The following OSMR variants were observed in gnomAD, a reference collection of about 807,000 sequenced individuals.
OSMR encodes the protein oncostatin M receptor.
A neutral mutation model predicts 99.9 loss-of-function variants in OSMR; 81 were observed. That is an observed-to-expected ratio of 0.81 (90% CI 0.68 to 0.97). The LOEUF is 0.97. Ranked by LOEUF, OSMR falls within the 50% of genes least tolerant of loss-of-function variation. The pLI is 0.00. For missense variants in OSMR, 1,099 were observed against 1,153.4 expected, an observed-to-expected ratio of 0.95 and a Z score of 0.68; for synonymous variants, 406 against 410.4, an observed-to-expected ratio of 0.99 and a Z score of 0.13.
intron 1 of OSMR, among the ~76,000 whole-genome samples, chr5:38,860,095 C>G (rs1741161663): frequency 6.6e-6 from 1 of 152,156 alleles, no homozygotes; most frequent in African/African-American, 2.4e-5. Context: ...GCTAAGACTT[C>G]CAGTACTATG....
rs58159819 is a variant in OSMR, at chr5:38,898,950, C to CTTTTTTTTTTTTTTTTTTTTTTTTTTT, written c.992-4908_992-4907insTTTTTTTTTTTTTTTTTTTTTTTTTTT. ...TTTGTTGTTTCTATTTACATAATAT[C>CTTTTTTTTTTTTTTTTTTTTTTTTTTT]TTTTTTTTTTTTTTTTTTTTTTTTG... On this transcript the variant is annotated intron_variant, in intron 7 of 17. Coordinates refer to ENST00000274276, the MANE Select transcript of OSMR (RefSeq NM_003999.3). Among the ~76,000 whole-genome samples the CTTTTTTTTTTTTTTTTTTTTTTTTTTT allele has an allele frequency of 5.1e-5, 4 of 78,288 alleles. 2 individuals carry two copies. The highest frequency in any genetic ancestry group is 2.5e-4 in the African/African-American group (4 of 15,980). The allele number at this position is 78,288 out of a possible 152,430, so 51.4% of individuals were successfully genotyped here.
intron 1 of OSMR, among the ~76,000 whole-genome samples, chr5:38,862,739 G>A (rs1376854504): frequency 3.0e-4 from 45 of 150,880 alleles, no homozygotes; most frequent in African/African-American, 9.6e-4. Flanking sequence ...GGGAAGAGGC[G>A]CTCCTCACTT....
intron 9 of OSMR, among the ~76,000 whole-genome samples, chr5:38,914,328 A>G (rs1342633666): frequency 6.6e-6 from 1 of 152,174 alleles, no homozygotes; most frequent in Non-Finnish European, 1.5e-5. Context: ...TCTAATGAGG[A>G]CACAAGTCAA....
chr5:38,893,486 C>G (rs574372928), intron 7 of OSMR, among the ~76,000 whole-genome samples: 136 of 152,256 alleles, frequency 8.9e-4, no homozygotes, highest in African/African-American at 3.1e-3. Context: ...GAAAAGAAAT[C>G]AATTAGAACT....
rs1470921042 is a variant in OSMR at position 38,883,895 on chromosome 5, A to G, written c.487A>G (p.Asn163Asp). The G allele has an allele frequency of 1.2e-5, 20 of 1,613,612 alleles. No homozygotes were observed. Among genetic ancestry groups the G allele is most frequent in the Non-Finnish European group, 1.7e-5 (20 of 1,179,690 alleles). ...PKDKLVEEGT[N>D]VTICYVSRNI... is the part of the protein sequence containing the mutation. ...AGATAAGCTGGTGGAAGAAGGCACC[A>G]ATGTTACCATTTGTTACGTTTCTAG... Residue 163 changes from asparagine to aspartate, a missense_variant, in exon 5 of 18, where the codon AAT becomes GAT. Asn to Asp is a conservative substitution (Grantham distance 23). Coordinates refer to ENST00000274276, the MANE Select transcript of OSMR (RefSeq NM_003999.3).
chr5:38,927,046 T>C (rs1215224080), intron 15 of OSMR, among the ~76,000 whole-genome samples: 1 of 152,208 alleles, frequency 6.6e-6, no homozygotes, highest in Non-Finnish European at 1.5e-5. Context: ...TCCAAAATGA[T>C]CTCCTTTGAC....
intron 3 of OSMR, among the ~76,000 whole-genome samples, chr5:38,880,576 G>T (rs1743200558): frequency 6.6e-6 from 1 of 152,212 alleles, no homozygotes; most frequent in South Asian, 2.1e-4. Context: ...GAGCAAGAAA[G>T]CCTTCATGAA....
At chr5:38,909,987 C>G (rs1745472694) in intron 9 of OSMR, among the ~76,000 whole-genome samples, 1 of 152,220 alleles carries the variant, frequency 6.6e-6, no homozygotes, top group Non-Finnish European at 1.5e-5. Flanking sequence ...AGACCTATAT[C>G]ACACGCAGTG....
rs370428919 is a variant in OSMR, at chr5:38,903,836, G to A, written c.992-46G>A. On this transcript the variant is annotated intron_variant, in intron 7 of 17. Transcript: ENST00000274276. Reference sequence around the variant, plus strand: ...AACTGCCTATTACCAATGTCTTTTTGGATCTATGCTTGAATTTTTTTGTTT... The same window carrying A: ...AACTGCCTATTACCAATGTCTTTTTAGATCTATGCTTGAATTTTTTTGTTT... The A allele has an allele frequency of 5.1e-6, 8 of 1,582,594 alleles. No homozygotes were observed. The East Asian group carries it at 9.0e-5, about 18-fold the overall frequency.
At chr5:38,888,856 A>T (rs768778665) in intron 7 of OSMR, among the ~76,000 whole-genome samples, 2 of 152,216 alleles carry the variant, frequency 1.3e-5, no homozygotes, top group Non-Finnish European at 2.9e-5. Flanking sequence ...GAAAATGTTT[A>T]TGGGAACAAC....
intron 1 of OSMR, among the ~76,000 whole-genome samples, chr5:38,867,369 T>C (rs1579657587): frequency 6.6e-6 from 1 of 152,248 alleles, no homozygotes; most frequent in Non-Finnish European, 1.5e-5. Flanking sequence ...ATATTATTTT[T>C]TAAAATAGAG....
At chr5:38,944,083 GCATT>G (rs1747905860) in intron 1 of OSMR, 1 of 366,596 alleles carries the variant, frequency 2.7e-6, no homozygotes, top group Non-Finnish European at 5.3e-6. Context: ...TTCCTAACAT[GCATT>G]AATTTATTTT....
At chr5:38,931,844 G>A (rs761258609) in intron 15 of OSMR, 39 bp from the exon 16 acceptor site, 1 of 1,591,908 alleles carries the variant, frequency 6.3e-7, no homozygotes, top group Non-Finnish European at 8.6e-7. Context: ...GAAGGGAAAA[G>A]TACTTATTAA....
chr5:38,856,761 C>T (rs919550606), intron 1 of OSMR, among the ~76,000 whole-genome samples: 2 of 152,154 alleles, frequency 1.3e-5, no homozygotes, highest in African/African-American at 4.8e-5. Flanking sequence ...CCTGACTCAG[C>T]CTCCCTTGAA....
chr5:38,855,334 C>T (rs1483566788), intron 1 of OSMR, among the ~76,000 whole-genome samples: 1 of 152,166 alleles, frequency 6.6e-6, no homozygotes, highest in East Asian at 1.9e-4. Flanking sequence ...AATGTATATG[C>T]CTAGCCAGGA....
At position 38,867,086 on chromosome 5, in the gene OSMR, T is replaced by TC. The variant is rs201109541; in HGVS notation, c.-13-1943dup. Among the ~76,000 whole-genome samples, 1,176 of 152,294 alleles carry TC rather than the reference T, an allele frequency of 7.7e-3. 42 individuals carry two copies. The highest frequency in any genetic ancestry group is 0.051 in the Admixed American group (783 of 15,292). On this transcript the variant is annotated intron_variant, in intron 1 of 17. Coordinates refer to ENST00000274276, the MANE Select transcript of OSMR (RefSeq NM_003999.3). Reference sequence around the variant, plus strand: ...CTTTTAAGAGGAGGTGAGTGCCCCGTCCCTCTAGCCAGCCATCTTGAAGTC... The same window carrying TC: ...CTTTTAAGAGGAGGTGAGTGCCCCGTCCCCTCTAGCCAGCCATCTTGAAGTC...
downstream of OSMR, chr5:38,945,478 C>T (rs771009908): frequency 9.0e-6 from 14 of 1,553,286 alleles, no homozygotes; most frequent in Middle Eastern, 1.7e-4. Context: ...GAAGGTGGGA[C>T]GTGATCACTT....
chr5:38,935,845 A>AATC (rs1746997570), downstream of OSMR, among the ~76,000 whole-genome samples: 1 of 152,234 alleles, frequency 6.6e-6, no homozygotes, highest in East Asian at 1.9e-4. Flanking sequence ...AAACTTTGAG[A>AATC]ATCACTCGCC....
In OSMR at chr5:38,923,163, A is replaced by G. The variant is rs575966780; in HGVS notation, c.1779A>G (p.Pro593=). ...TTTTTTCCCTAGATGCTTTTAGGCC[A>G]GGAGTTCGATATGACTTCAGAATTT... ...STVISTDAFR[P]GVRYDFRIYG... The change falls in exon 13 of 18, where the codon CCA becomes CCG. Residue 593 remains proline (P), a synonymous_variant. Coordinates refer to ENST00000274276, the MANE Select transcript of OSMR (RefSeq NM_003999.3). 6 of 1,613,484 alleles carry G rather than the reference A, an allele frequency of 3.7e-6. No homozygotes were observed. The highest frequency in any genetic ancestry group is 2.2e-5 in the East Asian group (1 of 44,862).
Sources: gnomAD v4.1 joint callset for allele counts (sites outside exome capture counted in the v4.1 genomes callset) on GRCh38, gnomAD v4.1.1 for gene constraint, MANE v1.5 for transcripts, NCBI Gene and HGNC (gene_info 2026-07-23, HGNC 2026-07-21) for gene names.